CREB5: variants seen among roughly 807,000 people sequenced by gnomAD.
CREB5 encodes cyclic AMP-responsive element-binding protein 5.
Under a neutral mutation model 57.1 loss-of-function variants are expected in CREB5, and 19 were observed. The observed-to-expected ratio is 0.33, with a 90% confidence interval of 0.23 to 0.49. CREB5 has a LOEUF of 0.49. CREB5 is among the 20% of genes least tolerant of loss of function. CREB5 has a pLI of 0.99. For synonymous variants in CREB5, 238 were observed against 238.3 expected (o/e 1.00, Z 0.01); for missense variants, 579 against 671.6 (o/e 0.86, Z 1.52).
At chr7:28,771,554 T>C (rs932028981) in intron 7 of CREB5, among the ~76,000 whole-genome samples, 5 of 152,252 alleles carry the variant, frequency 3.3e-5, no homozygotes, top group Non-Finnish European at 7.4e-5. Flanking sequence ...ATGGTTCTTA[T>C]CAGGCTCCCG....
chr7:28,703,057 AC>A (rs1461539761), intron 5 of CREB5, among the ~76,000 whole-genome samples: 36 of 152,326 alleles, frequency 2.4e-4, no homozygotes, highest in African/African-American at 8.2e-4. Context: ...TACTGAAAAA[AC>A]ATCCTAAATG....
intron 5 of CREB5, among the ~76,000 whole-genome samples, chr7:28,639,730 G>T (rs1442612977): frequency 6.6e-6 from 1 of 152,134 alleles, no homozygotes; most frequent in Non-Finnish European, 1.5e-5. Context: ...GGAGAACCCA[G>T]TTCTCCAGTA....
At chr7:28,364,517 G>A (rs1331330161) in intron 1 of CREB5, among the ~76,000 whole-genome samples, 3 of 152,092 alleles carry the variant, frequency 2.0e-5, no homozygotes, top group African/African-American at 7.2e-5. Flanking sequence ...AGGCCAACAG[G>A]CAAATTCCTT....
chr7:28,410,302 AC>A (rs1443444265), upstream of CREB5: 2 of 456,140 alleles, frequency 4.4e-6, no homozygotes, highest in Admixed American at 2.4e-5. Context: ...TGGCATCGTT[AC>A]CTCTTCCCGG....
intron 3 of CREB5, among the ~76,000 whole-genome samples, chr7:28,505,490 T>G (rs774456241): frequency 5.9e-5 from 9 of 152,202 alleles, no homozygotes; most frequent in South Asian, 2.1e-4. Flanking sequence ...GAAATTTTTT[T>G]GAAAGATGAG....
intron 1 of CREB5, among the ~76,000 whole-genome samples, chr7:28,391,402 C>G (rs6956839): frequency 0.028 from 4,326 of 152,296 alleles, 234 homozygotes; most frequent in African/African-American, 0.098. Context: ...TTTGTAGCTA[C>G]TAATCGGCCG....
At chr7:28,551,882 C>CT (rs1331040648) in intron 4 of CREB5, among the ~76,000 whole-genome samples, 21 of 146,470 alleles carry the variant, frequency 1.4e-4, no homozygotes, top group African/African-American at 4.8e-4. Context: ...TTCTTTCTTT[C>CT]TTTTCTTTCT....
At position 28,497,228 on chromosome 7, in the gene CREB5, C is replaced by T. The variant is rs561100523; in HGVS notation, c.169+2229C>T. The stretch of plus-strand genomic sequence containing the variant: ...AGGATGGTCCTCTAAGGAGCCCCAT[C>T]TGAAGGTCTGAAAAAGAGCAGCTGA... On this transcript the variant is annotated intron_variant, in intron 3 of 10. Transcript: ENST00000357727. Among the ~76,000 whole-genome samples, 226 of 152,332 alleles carry T rather than the reference C, an allele frequency of 1.5e-3. 1 individual carries two copies. Among genetic ancestry groups the T allele is most frequent in the Middle Eastern group, 6.8e-3 (2 of 294 alleles).
chr7:28,434,750 G>A (rs886419449), intron 1 of CREB5, among the ~76,000 whole-genome samples: 5 of 152,144 alleles, frequency 3.3e-5, no homozygotes, highest in Non-Finnish European at 7.4e-5. Context: ...AAAGTCATAT[G>A]AATACAAATA....
chr7:28,543,353 A>G (rs1794283485), intron 4 of CREB5, among the ~76,000 whole-genome samples: 1 of 152,194 alleles, frequency 6.6e-6, no homozygotes, highest in Admixed American at 6.5e-5. Flanking sequence ...AACTTATAGC[A>G]TTCCACAAAA....
At chr7:28,673,670 T>C (rs1328879057) in intron 5 of CREB5, among the ~76,000 whole-genome samples, 10 of 134,888 alleles carry the variant, frequency 7.4e-5, no homozygotes, top group Non-Finnish European at 1.4e-4. Context: ...TTTTTTTTTT[T>C]TTTTTTTTTT....
intron 5 of CREB5, among the ~76,000 whole-genome samples, chr7:28,661,614 C>T (rs1799615867): frequency 6.6e-6 from 1 of 152,140 alleles, no homozygotes; most frequent in African/African-American, 2.4e-5. Flanking sequence ...ATAAATATAA[C>T]TCCCTATCTT....
At chr7:28,594,192 A>C (rs2128665832) in intron 5 of CREB5, among the ~76,000 whole-genome samples, 1 of 152,352 alleles carries the variant, frequency 6.6e-6, no homozygotes, top group Non-Finnish European at 1.5e-5. Flanking sequence ...AGCAAAACTT[A>C]GAATTGTGAA....
Position 28,775,196 on chromosome 7 carries a change from C to T in CREB5, c.703-29003C>T, listed in dbSNP as rs186876740. On this transcript the variant is annotated intron_variant, in intron 7 of 10. Coordinates refer to ENST00000357727, the MANE Select transcript of CREB5 (RefSeq NM_182898.4). ...CTAAAACCTTGACATATTTTATTTT[C>T]GTACACTATTCCCGTTGCCCACAAT... Among the ~76,000 whole-genome samples, 230 of 152,138 alleles carry T rather than the reference C, an allele frequency of 1.5e-3. 1 individual carries two copies. Among genetic ancestry groups the T allele is most frequent in the Middle Eastern group, 0.01 (3 of 292 alleles).
chr7:28,623,404 A>T (rs537059397), intron 5 of CREB5, among the ~76,000 whole-genome samples: 139 of 152,222 alleles, frequency 9.1e-4, no homozygotes, highest in Non-Finnish European at 1.4e-3. Flanking sequence ...GAGTCTTTAT[A>T]TGTCAAAATA....
chr7:28,585,767 C>T (rs1229963159), intron 5 of CREB5, among the ~76,000 whole-genome samples: 1 of 152,052 alleles, frequency 6.6e-6, no homozygotes, highest in African/African-American at 2.4e-5. Context: ...AGAGTGAGCC[C>T]GCATGGGAGG....
chr7:28,499,629 G>T (rs1792194664), intron 3 of CREB5, among the ~76,000 whole-genome samples: 1 of 152,158 alleles, frequency 6.6e-6, no homozygotes, highest in Admixed American at 6.5e-5. Context: ...CGTTGCCCAG[G>T]CTGGAGTGCA....
Position 28,689,041 on chromosome 7 carries a change from C to T in CREB5, c.465-29712C>T, listed in dbSNP as rs769813033. 8.5e-5 allele frequency among the ~76,000 whole-genome samples: 13 copies of T among 152,242 alleles called. No homozygotes were observed. In the South Asian group the frequency reaches 1.5e-3, roughly 17 times the overall value. ...GATCTCAGCTCATTACACTTACCCA[C>T]GGTAACCCAGAGGGCTAAAAATTAT... On this transcript the variant is annotated intron_variant, in intron 5 of 10. Coordinates refer to ENST00000357727, the MANE Select transcript of CREB5 (RefSeq NM_182898.4).
intron 7 of CREB5, among the ~76,000 whole-genome samples, chr7:28,760,222 A>G (rs1338662681): frequency 6.6e-6 from 1 of 152,116 alleles, no homozygotes; most frequent in East Asian, 1.9e-4. Context: ...ACACAACATT[A>G]CCTACAGGAG....
Sources: gnomAD v4.1 joint callset for allele counts (sites outside exome capture counted in the v4.1 genomes callset) on GRCh38, gnomAD v4.1.1 for gene constraint, MANE v1.5 for transcripts, NCBI Gene and HGNC (gene_info 2026-07-23, HGNC 2026-07-21) for gene names.